C8orf88: variants seen among roughly 807,000 people sequenced by gnomAD.
C8orf88 encodes uncharacterized protein C8orf88.
A neutral mutation model predicts 18.4 loss-of-function variants in C8orf88; 14 were observed. That is an observed-to-expected ratio of 0.76 (90% CI 0.50 to 1.19). C8orf88 has a LOEUF of 1.19. C8orf88 is among the 50% of genes most tolerant of loss of function. The pLI is 0.00. For synonymous variants in C8orf88, 45 were observed against 42.9 expected (o/e 1.05, Z -0.19); for missense variants, 116 against 134.7 (o/e 0.86, Z 0.69).
intron 5 of C8orf88, among the ~76,000 whole-genome samples, chr8:90,959,798 T>C (rs1450501240): frequency 3.3e-5 from 5 of 151,366 alleles, no homozygotes; most frequent in Non-Finnish European, 7.4e-5. Flanking sequence ...CTGAATCTCA[T>C]TTCAGAAGAG....
At chr8:90,961,048 T>A (rs1425785568) in intron 4 of C8orf88, among the ~76,000 whole-genome samples, 200 bp from the exon 5 acceptor site, 2 of 151,344 alleles carry the variant, frequency 1.3e-5, no homozygotes, top group Non-Finnish European at 3.0e-5. Context: ...GAAAACCAAG[T>A]AACCAAGGAA....
chr8:90,976,788 A>G (rs566875051), intron 3 of C8orf88, among the ~76,000 whole-genome samples: 2 of 152,210 alleles, frequency 1.3e-5, no homozygotes, highest in African/African-American at 4.8e-5. Flanking sequence ...TCTATCTTAC[A>G]CCATCCAAAA....
At chr8:90,966,849 T>A (rs1369890521) in intron 4 of C8orf88, among the ~76,000 whole-genome samples, 1 of 151,928 alleles carries the variant, frequency 6.6e-6, no homozygotes, top group Non-Finnish European at 1.5e-5. Context: ...TGACTAGAAG[T>A]GGCATCTTGC....
intron 4 of C8orf88, among the ~76,000 whole-genome samples, chr8:90,966,104 A>C (rs1811191734): frequency 6.6e-6 from 1 of 151,692 alleles, no homozygotes; most frequent in African/African-American, 2.4e-5. Flanking sequence ...TTTTCAACCC[A>C]AATGTCCAAC....
intron 4 of C8orf88, among the ~76,000 whole-genome samples, chr8:90,961,613 T>A (rs1042098236): frequency 2.9e-4 from 44 of 151,316 alleles, no homozygotes; most frequent in African/African-American, 1.1e-3. Flanking sequence ...CTAAAGGAAT[T>A]TCTACAGGCT....
rs559721429 is a variant in C8orf88, at chr8:90,971,714, A to G, written c.148-573T>C. On this transcript the variant is annotated intron_variant, in intron 3 of 5. Transcript: ENST00000517562. ...CTTAGTGCAGAGTTTTTCCAGTCTCACTTGCAAGACCATCTTTATGATAAG... is the reference window on the plus strand; with the variant it reads ...CTTAGTGCAGAGTTTTTCCAGTCTCGCTTGCAAGACCATCTTTATGATAAG... Among the ~76,000 whole-genome samples the G allele has an allele frequency of 2.6e-5, 4 of 152,136 alleles. No individual in the cohort carries two copies. In the South Asian group the frequency reaches 8.3e-4, roughly 31 times the overall value.
At chr8:90,978,523 C>T (rs1811385337) in intron 3 of C8orf88, 56 bp downstream of exon 3, 1 of 1,109,114 alleles carries the variant, frequency 9.0e-7, no homozygotes, top group Non-Finnish European at 1.3e-6. Context: ...AGCCATCTAA[C>T]ACATGTTACT....
chr8:90,963,836 T>C (rs928714491), intron 4 of C8orf88, among the ~76,000 whole-genome samples: 3 of 151,374 alleles, frequency 2.0e-5, no homozygotes, highest in African/African-American at 7.3e-5. Flanking sequence ...CCATCAAGCA[T>C]ACCAACAAAT....
rs139725985 is a variant in C8orf88 at position 90,966,521 on chromosome 8, T to A, written c.223+4545A>T. Among the ~76,000 whole-genome samples the A allele has an allele frequency of 3.1e-3, 441 of 140,524 alleles. 1 individual carries two copies. The highest frequency in any genetic ancestry group is 7.0e-3 in the African/African-American group (267 of 38,214). The allele number at this position is 140,524 out of a possible 152,430, so 92.2% of individuals were successfully genotyped here. ...AGTATAATAATAATAATAATAATAATAAAGAATTCACCAACCAAGTCTCTG... is the reference window on the plus strand; with the variant it reads ...AGTATAATAATAATAATAATAATAAAAAAGAATTCACCAACCAAGTCTCTG... On this transcript the variant is annotated intron_variant, in intron 4 of 5. Transcript: ENST00000517562.
At chr8:90,969,917 G>C (rs907980329) in intron 4 of C8orf88, among the ~76,000 whole-genome samples, 37 of 151,758 alleles carry the variant, frequency 2.4e-4, no homozygotes, top group African/African-American at 8.7e-4. Flanking sequence ...AGTCCATATT[G>C]GAATAGGATA....
At chr8:90,984,914 C>G (rs1428769605) in intron 1 of C8orf88, among the ~76,000 whole-genome samples, 200 bp downstream of exon 1, 1 of 152,188 alleles carries the variant, frequency 6.6e-6, no homozygotes, top group Non-Finnish European at 1.5e-5. Context: ...ATCCGACGCT[C>G]TCGCTCCCAT....
chr8:90,976,088 C>T lies in C8orf88; in HGVS notation c.147+2491G>A, dbSNP rs886293176. On this transcript the variant is annotated intron_variant, in intron 3 of 5. Coordinates refer to ENST00000517562, the MANE Select transcript of C8orf88 (RefSeq NM_001190972.2). ...CTAACTTATCTATCATTAAAAGAAG[C>T]GGATCAGTGGATGTGTGGGGCAAGA... is the stretch of plus-strand genomic sequence containing the variant. Among the ~76,000 whole-genome samples the T allele has an allele frequency of 6.6e-5, 10 of 151,956 alleles. No individual in the cohort carries two copies. The East Asian group carries it at 1.4e-3, about 21-fold the overall frequency.
At chr8:90,971,722 G>C (rs948414409) in intron 3 of C8orf88, among the ~76,000 whole-genome samples, 4 of 151,922 alleles carry the variant, frequency 2.6e-5, no homozygotes, top group Non-Finnish European at 5.9e-5. Context: ...TCACTTGCAA[G>C]ACCATCTTTA....
At chr8:90,977,151 A>T (rs1811362733) in intron 3 of C8orf88, among the ~76,000 whole-genome samples, 1 of 152,166 alleles carries the variant, frequency 6.6e-6, no homozygotes, top group Middle Eastern at 3.2e-3. Context: ...AAAAGAGGAG[A>T]TCCAAATGGT....
At chr8:90,960,894 G>T in intron 4 of C8orf88, 46 bp from the exon 5 acceptor site, 2 of 1,117,382 alleles carry the variant, frequency 1.8e-6, no homozygotes, top group Non-Finnish European at 2.6e-6. Context: ...ATGTAGGGCT[G>T]TCTAGATCAC....
intron 4 of C8orf88, among the ~76,000 whole-genome samples, chr8:90,969,811 TA>T (rs1563553361): frequency 6.6e-6 from 1 of 151,698 alleles, no homozygotes; most frequent in Non-Finnish European, 1.5e-5. Context: ...TTCAATTTTT[TA>T]AAAAAGAAAC....
intron 4 of C8orf88, among the ~76,000 whole-genome samples, chr8:90,963,944 AG>A (rs755808339): frequency 2.0e-5 from 3 of 151,650 alleles, no homozygotes; most frequent in East Asian, 3.9e-4. Context: ...CAACAAAAAA[AG>A]AATCTATACA....
intron 3 of C8orf88, among the ~76,000 whole-genome samples, chr8:90,975,244 G>A (rs1215850396): frequency 2.0e-5 from 3 of 152,022 alleles, no homozygotes; most frequent in Admixed American, 6.6e-5. Context: ...TTTTAGAAAC[G>A]AAGTTAGTGA....
At chr8:90,975,971 G>A (rs978884123) in intron 3 of C8orf88, among the ~76,000 whole-genome samples, 7 of 149,608 alleles carry the variant, frequency 4.7e-5, no homozygotes, top group African/African-American at 7.4e-5. Context: ...AACATGAAAG[G>A]ATCTCATAAA....
Sources: allele counts gnomAD v4.1 joint callset (sites outside exome capture counted in the v4.1 genomes callset), GRCh38; gene constraint gnomAD v4.1.1; transcripts MANE v1.5; gene names NCBI Gene and HGNC (gene_info 2026-07-23, HGNC 2026-07-21).